HEPHL1: variants seen among roughly 807,000 people sequenced by gnomAD.
The protein encoded by HEPHL1 is ferroxidase HEPHL1.
Under a neutral mutation model 122.0 loss-of-function variants are expected in HEPHL1, and 123 were observed. The observed-to-expected ratio is 1.01, with a 90% CI of 0.87 to 1.17. The LOEUF (loss-of-function observed/expected upper bound fraction) is 1.17, where lower values mean the gene tolerates loss of function less well. HEPHL1 is among the 50% of genes most tolerant of loss of function. HEPHL1 has a pLI of 0.00. For missense variants in HEPHL1, 1,452 were observed against 1,430.5 expected (o/e 1.01, Z -0.24); for synonymous variants, 527 against 508.9 (o/e 1.04, Z -0.48).
chr11:94,047,095 C>T (rs1945846434), intron 2 of HEPHL1, among the ~76,000 whole-genome samples: 1 of 152,200 alleles, frequency 6.6e-6, no homozygotes, highest in African/African-American at 2.4e-5. Flanking sequence ...TCTTTTCCTC[C>T]ACCTGGAGTG....
In HEPHL1 at chr11:94,088,815, A is replaced by G. The variant is rs1946239302; in HGVS notation, c.2141A>G (p.Tyr714Cys). The change falls in exon 12 of 20, where the codon TAT (tyrosine) becomes TGT (cysteine). Residue 714 changes from tyrosine (Y) to cysteine (C), a missense_variant. Tyr to Cys is a radical substitution (Grantham distance 194). Transcript: ENST00000315765. ...CTCTCGAGAGGCATGGGTCAGATCT[A>G]TGAGGTCAGCAGCTGTGACAACAGG... is the stretch of plus-strand genomic sequence containing the variant. ...PHLSRGMGQI[Y>C]EVSSCDNRDP... The G allele has an allele frequency of 1.2e-6, 2 of 1,614,004 alleles. No individual in the cohort carries two copies. Among genetic ancestry groups the G allele is most frequent in the South Asian group, 1.1e-5 (1 of 91,084 alleles).
At chr11:94,105,792 TCG>T (rs1946403291) in intron 16 of HEPHL1, among the ~76,000 whole-genome samples, 197 bp from the exon 17 acceptor site, 1 of 152,174 alleles carries the variant, frequency 6.6e-6, no homozygotes. Flanking sequence ...TTCTCTGTTC[TCG>T]CTCTCTTTGT....
chr11:94,053,909 A>C (rs1326553380), intron 2 of HEPHL1, among the ~76,000 whole-genome samples: 1 of 152,178 alleles, frequency 6.6e-6, no homozygotes, highest in Non-Finnish European at 1.5e-5. Flanking sequence ...GTGCTCTGTA[A>C]AGAGGGTATA....
chr11:94,111,179 AAG>A (rs1180179645), intron 18 of HEPHL1, 114 bp downstream of exon 18: 2 of 789,310 alleles, frequency 2.5e-6, no homozygotes, highest in Non-Finnish European at 4.0e-6. Context: ...AGAGTCAAGT[AAG>A]AGAGACATAT....
chr11:94,096,045 TC>T (rs1312670196), intron 13 of HEPHL1, among the ~76,000 whole-genome samples: 1 of 152,214 alleles, frequency 6.6e-6, no homozygotes, highest in African/African-American at 2.4e-5. Context: ...GGCCAGAACT[TC>T]CAACACTATG....
At position 94,073,021 on chromosome 11, in the gene HEPHL1, T is replaced by C; in HGVS notation, c.1233-4T>C. ...TCCTCAATCACATTCCTATGTCTTT[T>C]CAGTGACTCTGATCTCTACTTCACA... On this transcript the variant is annotated splice_region_variant and splice_polypyrimidine_tract_variant and intron_variant, in intron 6 of 19. Transcript: ENST00000315765. 1 of 1,611,714 alleles carries C rather than the reference T, an allele frequency of 6.2e-7. No homozygotes were observed. The highest frequency in any genetic ancestry group is 8.5e-7 in the Non-Finnish European group (1 of 1,178,464).
chr11:94,031,871 T>C (rs1945678925), intron 1 of HEPHL1, among the ~76,000 whole-genome samples: 1 of 152,242 alleles, frequency 6.6e-6, no homozygotes, highest in Middle Eastern at 3.2e-3. Flanking sequence ...CCTTCATCTA[T>C]AGGAGAGGCT....
intron 15 of HEPHL1, 150 bp downstream of exon 15, chr11:94,103,170 T>C: frequency 1.7e-6 from 1 of 597,682 alleles, no homozygotes; most frequent in Non-Finnish European, 2.9e-6. Flanking sequence ...AATCTAGACA[T>C]GCTGGACGTT....
chr11:94,106,037 C>A lies in HEPHL1; in HGVS notation c.2952C>A (p.Asn984Lys), dbSNP rs747252252. 1.9e-6 allele frequency: 3 copies of A among 1,597,640 alleles called. No individual in the cohort carries two copies. The highest frequency in any genetic ancestry group is 2.2e-5 in the East Asian group (1 of 44,616). Reference sequence around the variant, plus strand: ...GGAATCTCCATGGCCTCATAATGAACGAAGATACAATGACAAACTGGTATT... The same window carrying A: ...GGAATCTCCATGGCCTCATAATGAAAGAAGATACAATGACAAACTGGTATT... ...IFGNLHGLIM[N>K]EDTMTNWYLL... Residue 984 changes from asparagine (N) to lysine (K), a missense_variant, in exon 17 of 20, where the codon AAC (asparagine) becomes AAA (lysine). By Grantham distance (94) the Asn-to-Lys change is moderately conservative. Coordinates refer to ENST00000315765, the MANE Select transcript of HEPHL1 (RefSeq NM_001098672.2).
chr11:94,063,793 C>T, intron 3 of HEPHL1, 73 bp downstream of exon 3: 2 of 1,258,918 alleles, frequency 1.6e-6, no homozygotes, highest in South Asian at 1.2e-5. Context: ...TTGCCTACCT[C>T]CTTTGCTCCA....
intron 1 of HEPHL1, among the ~76,000 whole-genome samples, chr11:94,039,495 A>G (rs544888789): frequency 2.0e-3 from 306 of 150,662 alleles, no homozygotes; most frequent in African/African-American, 6.8e-3. Context: ...AGCAAATGTA[A>G]AAGAACAGAA....
rs1344459785 is a variant in HEPHL1 at position 94,113,724 on chromosome 11, T to G, written c.*1830T>G. On this transcript the variant is annotated 3_prime_UTR_variant, in exon 20 of 20. Coordinates refer to ENST00000315765, the MANE Select transcript of HEPHL1 (RefSeq NM_001098672.2). ...CAAAGTAGTTTGATTGCATCATTTATCATTTTAATAAAGTGTCACATAAGG... is the reference window on the plus strand; with the variant it reads ...CAAAGTAGTTTGATTGCATCATTTAGCATTTTAATAAAGTGTCACATAAGG... 6.6e-6 allele frequency: 1 copy of G among 152,224 alleles called. No homozygotes were observed. The highest frequency in any genetic ancestry group is 1.5e-5 in the Non-Finnish European group (1 of 68,034). 9.4% of individuals were successfully genotyped at this position (152,224 alleles called of 1,614,324 possible).
intron 13 of HEPHL1, among the ~76,000 whole-genome samples, chr11:94,094,749 G>T (rs1946296034): frequency 6.6e-6 from 1 of 152,310 alleles, no homozygotes; most frequent in African/African-American, 2.4e-5. Flanking sequence ...CTGATGGCCA[G>T]TGATGATGAG....
Position 94,085,932 on chromosome 11 carries a change from C to G in HEPHL1, c.1868-45C>G, listed in dbSNP as rs772114222. 13 of 1,367,852 alleles carry G rather than the reference C, an allele frequency of 9.5e-6. No individual in the cohort carries two copies. The Admixed American group carries it at 2.2e-4, about 24-fold the overall frequency. The allele number at this position is 1,367,852 out of a possible 1,614,324, so 84.7% of individuals were successfully genotyped here. On this transcript the variant is annotated intron_variant, in intron 10 of 19. Transcript: ENST00000315765. The stretch of plus-strand genomic sequence containing the variant: ...TTTACATATTTGAAGCTCCCCTGCC[C>G]CATACACACTGATAATTTTTCACCG...
chr11:94,088,737 G>A lies in HEPHL1; in HGVS notation c.2081-18G>A, dbSNP rs1434818757. The A allele has an allele frequency of 3.1e-6, 5 of 1,598,052 alleles. No homozygotes were observed. The highest frequency in any genetic ancestry group is 4.5e-5 in the East Asian group (2 of 44,646). The stretch of plus-strand genomic sequence containing the variant: ...AATACCGAGCACCACACTCAATGCC[G>A]AGCCATTTCTCTTGCAGGTATTTTT... On this transcript the variant is annotated intron_variant, in intron 11 of 19. Coordinates refer to ENST00000315765, the MANE Select transcript of HEPHL1 (RefSeq NM_001098672.2).
chr11:94,047,359 A>C (rs1483915770), intron 2 of HEPHL1, among the ~76,000 whole-genome samples: 1 of 152,048 alleles, frequency 6.6e-6, no homozygotes, highest in African/African-American at 2.4e-5. Context: ...TCCCTCCTCC[A>C]ACCCTCCACC....
chr11:94,068,106 G>C (rs1946048905), intron 5 of HEPHL1, among the ~76,000 whole-genome samples: 1 of 152,174 alleles, frequency 6.6e-6, no homozygotes, highest in Admixed American at 6.5e-5. Context: ...AGCAATCAGA[G>C]GGGCTTCCTG....
intron 6 of HEPHL1, among the ~76,000 whole-genome samples, chr11:94,071,979 A>AT (rs1398803594): frequency 6.6e-6 from 1 of 152,132 alleles, no homozygotes; most frequent in Non-Finnish European, 1.5e-5. Flanking sequence ...GGTAAACGGG[A>AT]TATCAATTGC....
At chr11:94,100,486 C>G (rs551435560) in intron 13 of HEPHL1, among the ~76,000 whole-genome samples, 1 of 152,308 alleles carries the variant, frequency 6.6e-6, no homozygotes, top group South Asian at 2.1e-4. Context: ...TTGCTTCCAA[C>G]AGAAATGCAC....
Sources: gnomAD v4.1 joint callset for allele counts (sites outside exome capture counted in the v4.1 genomes callset) on GRCh38, gnomAD v4.1.1 for gene constraint, MANE v1.5 for transcripts, NCBI Gene and HGNC (gene_info 2026-07-23, HGNC 2026-07-21) for gene names.